JAM2: variants seen among roughly 807,000 people sequenced by gnomAD.
JAM2 encodes the protein junctional adhesion molecule B.
A neutral mutation model predicts 42.0 loss-of-function variants in JAM2; 17 were observed. The observed-to-expected ratio is 0.40, with a 90% CI of 0.28 to 0.61. JAM2 has a LOEUF of 0.61. Ranked by LOEUF, JAM2 falls within the 20% of genes least tolerant of loss-of-function variation. The probability of loss-of-function intolerance (pLI) is 0.37; values close to 1 mark genes in which losing one functional copy is unlikely to be tolerated. For missense variants in JAM2, 319 were observed against 358.3 expected (o/e 0.89, Z 0.89); for synonymous variants, 118 against 128.6 (o/e 0.92, Z 0.56).
chr21:25,712,160 CTG>C (rs2034396410), intron 8 of JAM2, 178 bp from the exon 9 acceptor site: 1 of 631,564 alleles, frequency 1.6e-6, no homozygotes, highest in Non-Finnish European at 2.9e-6. Context: ...ATGACTTTCT[CTG>C]TGAATATTGT....
chr21:25,664,016 A>G (rs1252315269), intron 1 of JAM2, among the ~76,000 whole-genome samples: 1 of 152,152 alleles, frequency 6.6e-6, no homozygotes. Context: ...AAATATGCTC[A>G]AATCTCTACA....
At chr21:25,696,439 C>A (rs971557853) in intron 4 of JAM2, among the ~76,000 whole-genome samples, 20 of 152,066 alleles carry the variant, frequency 1.3e-4, no homozygotes, top group African/African-American at 4.6e-4. Flanking sequence ...AGGGAGCCCC[C>A]TTCCTTTTTC....
intron 1 of JAM2, among the ~76,000 whole-genome samples, chr21:25,672,933 T>C (rs77482221): frequency 0.019 from 2,930 of 152,326 alleles, 101 homozygotes; most frequent in African/African-American, 0.068. Flanking sequence ...GTGGCTCTTA[T>C]TAGCATCCAT....
At chr21:25,696,248 C>T (rs2034027747) in intron 4 of JAM2, among the ~76,000 whole-genome samples, 1 of 152,098 alleles carries the variant, frequency 6.6e-6, no homozygotes. Flanking sequence ...ACCAGTCAGG[C>T]GTGGCGGCGC....
intron 1 of JAM2, among the ~76,000 whole-genome samples, chr21:25,666,884 A>C (rs2829854): frequency 0.12 from 17,675 of 152,152 alleles, 1,154 homozygotes; most frequent in South Asian, 0.26. Flanking sequence ...TATTTTAGGA[A>C]TTGACTCTAT....
At chr21:25,714,438 C>T (rs2034442518) in intron 9 of JAM2, 1 of 487,888 alleles carries the variant, frequency 2.0e-6, no homozygotes, top group Non-Finnish European at 3.6e-6. Flanking sequence ...GCGGAGGTTG[C>T]AGTGAGCTGA....
chr21:25,656,384 T>C (rs1568890676), intron 1 of JAM2, among the ~76,000 whole-genome samples: 1 of 152,228 alleles, frequency 6.6e-6, no homozygotes, highest in Admixed American at 6.5e-5. Flanking sequence ...AAAATATTCA[T>C]TTAATGTTAA....
At chr21:25,706,974 C>G (rs1349605238) in intron 7 of JAM2, among the ~76,000 whole-genome samples, 3 of 151,672 alleles carry the variant, frequency 2.0e-5, no homozygotes, top group African/African-American at 4.8e-5. Flanking sequence ...TCCTGACCTC[C>G]TGATCCACCC....
intron 1 of JAM2, among the ~76,000 whole-genome samples, chr21:25,655,647 ATT>A (rs536746237): frequency 0.08 from 7,202 of 90,496 alleles, 593 homozygotes; most frequent in African/African-American, 0.27. Context: ...CGCCCAGCTA[ATT>A]TTTTTTTTTT....
chr21:25,715,276 G>C lies in JAM2; in HGVS notation c.*604G>C, dbSNP rs1047640459. ...GCAACATCAAAAGAAATGCCTAATG[G>C]CTGGAGCCCACAGGTGTGCACCACA... On this transcript the variant is annotated 3_prime_UTR_variant, in exon 10 of 10. Coordinates refer to ENST00000480456, the MANE Select transcript of JAM2 (RefSeq NM_021219.4). The C allele has an allele frequency of 6.6e-6, 1 of 152,184 alleles. No individual in the cohort carries two copies. Among genetic ancestry groups the C allele is most frequent in the African/African-American group, 2.4e-5 (1 of 41,416 alleles). 9.4% of individuals were successfully genotyped at this position (152,184 alleles called of 1,614,324 possible).
chr21:25,671,205 G>C (rs936419440), intron 1 of JAM2, among the ~76,000 whole-genome samples: 3 of 152,156 alleles, frequency 2.0e-5, no homozygotes, highest in African/African-American at 7.2e-5. Flanking sequence ...CAGCTTTGTG[G>C]GTGGTAAAAT....
chr21:25,660,958 C>A (rs1477287700), intron 1 of JAM2, among the ~76,000 whole-genome samples: 2 of 150,528 alleles, frequency 1.3e-5, no homozygotes, highest in African/African-American at 4.9e-5. Flanking sequence ...CCACGCCCAG[C>A]TAATTTTTGT....
intron 9 of JAM2, among the ~76,000 whole-genome samples, chr21:25,713,294 T>G (rs1479959495): frequency 6.6e-6 from 1 of 152,202 alleles, no homozygotes; most frequent in Non-Finnish European, 1.5e-5. Context: ...CTCAGAGGTT[T>G]TAAGGAACAT....
intron 1 of JAM2, among the ~76,000 whole-genome samples, chr21:25,652,154 G>A (rs2032800409): frequency 6.6e-6 from 1 of 152,124 alleles, no homozygotes; most frequent in Non-Finnish European, 1.5e-5. Context: ...GGGAGGCCCA[G>A]GCAGGAAGAT....
Position 25,639,819 on chromosome 21 carries a change from A to G in JAM2, c.-3A>G. 6.3e-7 allele frequency: 1 copy of G among 1,580,832 alleles called. No individual in the cohort carries two copies. ...CAGAGCAGCCGGCTGCCGCCCCGGGAAGATGGCGAGGAGGAGCCGCCACCG... is the reference window on the plus strand; with the variant it reads ...CAGAGCAGCCGGCTGCCGCCCCGGGGAGATGGCGAGGAGGAGCCGCCACCG... On this transcript the variant is annotated 5_prime_UTR_variant, in exon 1 of 10. Transcript: ENST00000480456.
rs1364314874 is a variant in JAM2, at chr21:25,715,339, A to T, written c.*667A>T. On this transcript the variant is annotated 3_prime_UTR_variant, in exon 10 of 10. Transcript: ENST00000480456. ...TGTGTGTCACTGATTTCTTCATTAA[A>T]CGTAATTTAGATGGTCAAACACAAA... The T allele has an allele frequency of 1.3e-5, 2 of 152,164 alleles. No individual in the cohort carries two copies. Among genetic ancestry groups the T allele is most frequent in the Non-Finnish European group, 2.9e-5 (2 of 68,048 alleles). The allele number at this position is 152,164 out of a possible 1,614,324, so 9.4% of individuals were successfully genotyped here. A position where few individuals can be genotyped will look rare whatever the true frequency, so the allele number is the denominator to read the frequency against.
intron 1 of JAM2, among the ~76,000 whole-genome samples, chr21:25,646,279 C>G (rs1291778946): frequency 6.6e-6 from 1 of 152,138 alleles, no homozygotes; most frequent in African/African-American, 2.4e-5. Flanking sequence ...AAAAATGGCT[C>G]TTTGGTTTTT....
intron 1 of JAM2, among the ~76,000 whole-genome samples, chr21:25,676,972 A>G (rs2033512094): frequency 6.6e-6 from 1 of 152,218 alleles, no homozygotes; most frequent in African/African-American, 2.4e-5. Context: ...TAAGTTCCAC[A>G]TAAGTGACCA....
chr21:25,702,722 T>C (rs1267878576), intron 6 of JAM2, among the ~76,000 whole-genome samples: 1 of 152,228 alleles, frequency 6.6e-6, no homozygotes, highest in Non-Finnish European at 1.5e-5. Flanking sequence ...TCAGAAAGTA[T>C]CCCTTTCAAT....
Sources: gnomAD v4.1 joint callset for allele counts (sites outside exome capture counted in the v4.1 genomes callset) on GRCh38, gnomAD v4.1.1 for gene constraint, MANE v1.5 for transcripts, NCBI Gene and HGNC (gene_info 2026-07-23, HGNC 2026-07-21) for gene names.